Variants in NFU1 observed in about 807,000 individuals in gnomAD.
The protein encoded by NFU1 is NFU1 iron-sulfur cluster scaffold.
NFU1 carries 30 observed loss-of-function variants against 32.2 expected under a neutral mutation model. That is an observed-to-expected ratio of 0.93 (90% confidence interval 0.70 to 1.26). The LOEUF (loss-of-function observed/expected upper bound fraction) is 1.26, where lower values mean the gene tolerates loss of function less well. Among genes scored for constraint, NFU1 ranks in the 50% most tolerant of loss-of-function variants. The probability of loss-of-function intolerance (pLI) is 0.00; values close to 1 mark genes in which losing one functional copy is unlikely to be tolerated. For synonymous variants in NFU1, 112 were observed against 104.6 expected, an observed-to-expected ratio of 1.07 and a Z score of -0.43; for missense variants, 306 against 306.6, an observed-to-expected ratio of 1.00 and a Z score of 0.02.
At position 69,404,872 on chromosome 2, in the gene NFU1, C is replaced by T. The variant is rs187814992; in HGVS notation, c.545+1150G>A. On this transcript the variant is annotated intron_variant, in intron 6 of 7. Transcript: ENST00000410022. ...TGATCTTAGGTGATCCACCTACCTC[C>T]GCCTCCCAAACAGCTGGGATTACAA... 3.5e-3 allele frequency among the ~76,000 whole-genome samples: 532 copies of T among 151,164 alleles called. 3 individuals are homozygous for T. Among genetic ancestry groups the T allele is most frequent in the African/African-American group, 0.012 (513 of 41,250 alleles).
rs548116053 is a variant in NFU1 at position 69,420,304 on chromosome 2, G to C, written c.303-700C>G. 6.6e-5 allele frequency among the ~76,000 whole-genome samples: 10 copies of C among 152,220 alleles called. No homozygotes were observed. The East Asian group carries it at 9.6e-4, about 15-fold the overall frequency. The stretch of plus-strand genomic sequence containing the variant: ...TGAGCCACCACACCCAGCCTAAACA[G>C]ACTATTTTCAAAAGACTAACTTGAA... On this transcript the variant is annotated intron_variant, in intron 3 of 7. Coordinates refer to ENST00000410022, the MANE Select transcript of NFU1 (RefSeq NM_001002755.4).
At chr2:69,400,603 A>G in intron 6 of NFU1, 65 bp from the exon 7 acceptor site, 1 of 1,421,886 alleles carries the variant, frequency 7.0e-7, no homozygotes. Context: ...AAAAAATTTA[A>G]TACAGCTCAG....
intron 3 of NFU1, among the ~76,000 whole-genome samples, chr2:69,423,213 G>A (rs201723806): frequency 1.5e-5 from 2 of 137,160 alleles, no homozygotes; most frequent in African/African-American, 5.7e-5. Flanking sequence ...GTGTGTGGGG[G>A]GGGGCGGGTA....
chr2:69,437,341 G>T lies in NFU1; in HGVS notation c.62+20C>A. 1 of 1,602,522 alleles carries T rather than the reference G, an allele frequency of 6.2e-7. No homozygotes were observed. Reference sequence around the variant, plus strand: ...AAGCCCAGCGGCACACCTATTCGGAGCTCCAGGCTCGTCACCTACCGCCTG... The same window carrying T: ...AAGCCCAGCGGCACACCTATTCGGATCTCCAGGCTCGTCACCTACCGCCTG... On this transcript the variant is annotated intron_variant, in intron 1 of 7. Coordinates refer to ENST00000410022, the MANE Select transcript of NFU1 (RefSeq NM_001002755.4).
chr2:69,422,542 C>A (rs564228542), intron 3 of NFU1, among the ~76,000 whole-genome samples: 140 of 152,136 alleles, frequency 9.2e-4, no homozygotes, highest in African/African-American at 3.3e-3. Context: ...TAAGCAAGTT[C>A]TCATTATTCT....
At chr2:69,429,282 A>C (rs376762849) in intron 2 of NFU1, among the ~76,000 whole-genome samples, 1 of 152,190 alleles carries the variant, frequency 6.6e-6, no homozygotes, top group South Asian at 2.1e-4. Flanking sequence ...ATCTGGCTTC[A>C]ACTGGGTGCA....
intron 5 of NFU1, 50 bp downstream of exon 5, chr2:69,415,135 G>A (rs763302368): frequency 5.1e-6 from 5 of 978,580 alleles, no homozygotes; most frequent in Non-Finnish European, 8.2e-6. Flanking sequence ...GAAGAAAATA[G>A]AAAAGTCTAA....
At chr2:69,432,372 C>T (rs1673667348) in intron 1 of NFU1, among the ~76,000 whole-genome samples, 1 of 152,138 alleles carries the variant, frequency 6.6e-6, no homozygotes, top group Non-Finnish European at 1.5e-5. Context: ...GTTGGGAGTT[C>T]AAGACCAGCC....
intron 5 of NFU1, among the ~76,000 whole-genome samples, chr2:69,414,227 C>A (rs568152498): frequency 4.2e-4 from 64 of 152,162 alleles, no homozygotes; most frequent in African/African-American, 1.5e-3. Flanking sequence ...GAAATGCTAT[C>A]CAGCACATAA....
chr2:69,432,034 A>G (rs1379271199), intron 1 of NFU1, 29 bp from the exon 2 acceptor site: 1 of 1,427,068 alleles, frequency 7.0e-7, no homozygotes, highest in Non-Finnish European at 9.9e-7. Flanking sequence ...AATGAATGAC[A>G]TTTTAAGAGC....
At chr2:69,399,287 T>G in intron 7 of NFU1, 1 of 411,984 alleles carries the variant, frequency 2.4e-6, no homozygotes, top group Non-Finnish European at 4.8e-6. Flanking sequence ...ATCCCTTCAC[T>G]CCTTGATAAT....
chr2:69,421,562 C>CTTTTTTTTTTTTTTTTTT (rs763705011), intron 3 of NFU1, among the ~76,000 whole-genome samples: 2 of 70,760 alleles, frequency 2.8e-5, no homozygotes, highest in Non-Finnish European at 5.0e-5. Flanking sequence ...ATCATTTGTG[C>CTTTTTTTTTTTTTTTTTT]TTTTTTTTTT....
rs148922765 is a variant in NFU1, at chr2:69,427,401, G to A, written c.167-3684C>T. Reference sequence around the variant, plus strand: ...ACTCCATCTCAAAAAAAAATAGAAGGCCAGGCATGGTGGCTCACGCCTGTA... The same window carrying A: ...ACTCCATCTCAAAAAAAAATAGAAGACCAGGCATGGTGGCTCACGCCTGTA... On this transcript the variant is annotated intron_variant, in intron 2 of 7. Transcript: ENST00000410022. 2.6e-3 allele frequency among the ~76,000 whole-genome samples: 385 copies of A among 150,056 alleles called. 3 individuals are homozygous for A. Among genetic ancestry groups the A allele is most frequent in the African/African-American group, 9.0e-3 (367 of 40,836 alleles).
At chr2:69,413,318 T>C (rs1466168799) in intron 5 of NFU1, among the ~76,000 whole-genome samples, 1 of 136,986 alleles carries the variant, frequency 7.3e-6, no homozygotes, top group Non-Finnish European at 1.5e-5. Context: ...CAAGGTACCA[T>C]TGTATACCCA....
At chr2:69,417,285 T>C (rs1173807304) in intron 4 of NFU1, among the ~76,000 whole-genome samples, 4 of 151,992 alleles carry the variant, frequency 2.6e-5, no homozygotes, top group Non-Finnish European at 5.9e-5. Context: ...CAGTAAAATG[T>C]GATAGTCCAT....
At chr2:69,415,012 G>C (rs1257799762) in intron 5 of NFU1, among the ~76,000 whole-genome samples, 173 bp downstream of exon 5, 1 of 152,024 alleles carries the variant, frequency 6.6e-6, no homozygotes, top group African/African-American at 2.4e-5. Flanking sequence ...TTGTTTTATA[G>C]AGTAATGCCA....
rs964663429 is a variant in NFU1, at chr2:69,437,212, C to A, written c.62+149G>T. 4.8e-6 allele frequency: 7 copies of A among 1,459,320 alleles called. No homozygotes were observed. The African/African-American group carries it at 7.1e-5, about 15-fold the overall frequency. 90.4% of individuals were successfully genotyped at this position (1,459,320 alleles called of 1,614,324 possible). ...AGCTCCCGCACAGACAGCCTCAGGG[C>A]TCACCCCCAACTACGGCGACAGGGC... On this transcript the variant is annotated intron_variant, in intron 1 of 7. Coordinates refer to ENST00000410022, the MANE Select transcript of NFU1 (RefSeq NM_001002755.4).
Position 69,437,392 on chromosome 2 carries a change from C to A in NFU1, c.31G>T (p.Ala11Ser). The change falls in exon 1 of 8, where the codon GCT becomes TCT. Residue 11 changes from alanine to serine, a missense_variant. Transcript: ENST00000410022. MAATARRGWG[A>S]AAVAAGLRRR... The stretch of plus-strand genomic sequence containing the variant: ...CGCAGCCCGGCGGCAACAGCCGCAG[C>A]TCCCCAGCCCCGCCTGGCCGTCGCC... 6.2e-7 allele frequency: 1 copy of A among 1,609,712 alleles called. No individual in the cohort carries two copies. Among genetic ancestry groups the A allele is most frequent in the Non-Finnish European group, 8.5e-7 (1 of 1,179,316 alleles).
intron 3 of NFU1, among the ~76,000 whole-genome samples, chr2:69,422,718 T>C (rs1278244416): frequency 3.3e-5 from 5 of 152,164 alleles, no homozygotes; most frequent in African/African-American, 1.2e-4. Flanking sequence ...ATTTTTCTTT[T>C]CTTTTTTGAG....
Sources: allele counts gnomAD v4.1 joint callset (sites outside exome capture counted in the v4.1 genomes callset), GRCh38; gene constraint gnomAD v4.1.1; transcripts MANE v1.5; gene names NCBI Gene and HGNC (gene_info 2026-07-23, HGNC 2026-07-21).